MACROD2: variants seen among roughly 807,000 people sequenced by gnomAD.
MACROD2 encodes ADP-ribose glycohydrolase MACROD2.
A neutral mutation model predicts 70.4 loss-of-function variants in MACROD2; 36 were observed. The ratio of observed to expected loss-of-function variants is 0.51; its 90% CI spans 0.39 to 0.68. MACROD2 has a LOEUF of 0.68. Among genes scored for constraint, MACROD2 ranks in the 30% least tolerant of loss-of-function variants. The pLI, the probability that MACROD2 is intolerant of heterozygous loss-of-function variation, is 0.00. For synonymous variants in MACROD2, 172 were observed against 178.8 expected (o/e 0.96, Z 0.30); for missense variants, 496 against 538.4 (o/e 0.92, Z 0.78).
At chr20:14,385,747 A>C (rs890069012) in intron 3 of MACROD2, among the ~76,000 whole-genome samples, 2 of 152,198 alleles carry the variant, frequency 1.3e-5, no homozygotes, top group African/African-American at 2.4e-5. Flanking sequence ...TAGCTTATTG[A>C]AATGCTAAAT....
chr20:14,570,576 G>T (rs955837428), intron 4 of MACROD2, among the ~76,000 whole-genome samples: 2 of 151,860 alleles, frequency 1.3e-5, no homozygotes, highest in Admixed American at 1.3e-4. Flanking sequence ...CATGGTAAAA[G>T]ATTAAGAAAG....
intron 6 of MACROD2, among the ~76,000 whole-genome samples, chr20:15,392,220 A>T (rs1230407220): frequency 3.3e-5 from 5 of 152,196 alleles, no homozygotes; most frequent in African/African-American, 1.2e-4. Flanking sequence ...GTCTTTTCAT[A>T]ATATGAAAAA....
rs148801039 is a variant in MACROD2, at chr20:14,586,513, C to T, written c.301+93005C>T. Reference sequence around the variant, plus strand: ...CAGTACTAGTTTCAATATCAAAAGACGAAGAGAAATGGTTATTTAGAACTC... The same window carrying T: ...CAGTACTAGTTTCAATATCAAAAGATGAAGAGAAATGGTTATTTAGAACTC... On this transcript the variant is annotated intron_variant, in intron 4 of 17. Coordinates refer to ENST00000684519, the MANE Select transcript of MACROD2 (RefSeq NM_001351661.2). Among the ~76,000 whole-genome samples the T allele has an allele frequency of 1.1e-4, 16 of 152,040 alleles. 1 individual carries two copies. Among genetic ancestry groups the T allele is most frequent in the South Asian group, 6.2e-4 (3 of 4,810 alleles).
chr20:15,392,477 T>TA (rs1209126418), intron 6 of MACROD2, among the ~76,000 whole-genome samples: 1 of 152,196 alleles, frequency 6.6e-6, no homozygotes, highest in Non-Finnish European at 1.5e-5. Context: ...TCAAGGTTGT[T>TA]AGACTTTTTT....
chr20:15,854,394 T>C lies in MACROD2; in HGVS notation c.646-8351T>C, dbSNP rs189862046. ...CCCTGGTCAACACCTAGCAGGAAAA[T>C]GGTGACCTCAGTCCTGCAACTGCAA... On this transcript the variant is annotated intron_variant, in intron 8 of 17. Transcript: ENST00000684519. Among the ~76,000 whole-genome samples the C allele has an allele frequency of 3.9e-5, 6 of 152,132 alleles. No homozygotes were observed. The East Asian group carries it at 1.2e-3, about 30-fold the overall frequency.
intron 5 of MACROD2, among the ~76,000 whole-genome samples, chr20:14,845,327 T>C (rs927512688): frequency 1.3e-5 from 2 of 152,078 alleles, no homozygotes; most frequent in African/African-American, 4.8e-5. Context: ...GAGGATTATA[T>C]GGCTGAACAA....
intron 2 of MACROD2, among the ~76,000 whole-genome samples, chr20:14,083,546 A>G (rs1229009974): frequency 6.6e-6 from 1 of 152,206 alleles, no homozygotes; most frequent in African/African-American, 2.4e-5. Context: ...ATCCAGACTC[A>G]CCCAGCTGTT....
At chr20:15,518,842 T>TA (rs1022959826) in intron 8 of MACROD2, among the ~76,000 whole-genome samples, 6 of 151,834 alleles carry the variant, frequency 4.0e-5, no homozygotes, top group African/African-American at 9.7e-5. Context: ...CTACAAACAA[T>TA]AAAAAAAAGT....
chr20:14,742,671 A>C (rs962149976), intron 5 of MACROD2, among the ~76,000 whole-genome samples: 2 of 151,986 alleles, frequency 1.3e-5, no homozygotes, highest in Non-Finnish European at 2.9e-5. Flanking sequence ...AGCCCTGGAC[A>C]CTAATTCTAG....
intron 8 of MACROD2, among the ~76,000 whole-genome samples, chr20:15,778,144 A>T (rs116062347): frequency 6.6e-6 from 1 of 152,188 alleles, no homozygotes; most frequent in Admixed American, 6.5e-5. Context: ...CTCAGGGAAG[A>T]TAAGTAACTT....
At chr20:15,709,736 T>C (rs1292347837) in intron 8 of MACROD2, among the ~76,000 whole-genome samples, 2 of 152,204 alleles carry the variant, frequency 1.3e-5, no homozygotes, top group African/African-American at 4.8e-5. Flanking sequence ...TACAATGTAT[T>C]AAAGATCAAA....
chr20:15,782,717 C>CAA (rs11472322), intron 8 of MACROD2, among the ~76,000 whole-genome samples: 5,035 of 83,234 alleles, frequency 0.06, 437 homozygotes, highest in East Asian at 0.36. Context: ...AGAGAAATGG[C>CAA]AAAAAAAAAA....
In MACROD2 at chr20:15,328,510, G is replaced by A. The variant is rs140824157; in HGVS notation, c.540+98449G>A. Among the ~76,000 whole-genome samples, 783 of 152,232 alleles carry A rather than the reference G, an allele frequency of 5.1e-3. 8 individuals carry two copies. Among genetic ancestry groups the A allele is most frequent in the Non-Finnish European group, 4.5e-3 (306 of 68,006 alleles). ...TTGACATCATTGCTACTTGTCTGGA[G>A]TTCTCATTAAGACACAGACCTAGAA... On this transcript the variant is annotated intron_variant, in intron 6 of 17. Coordinates refer to ENST00000684519, the MANE Select transcript of MACROD2 (RefSeq NM_001351661.2).
At chr20:15,338,639 G>GTAT (rs916679271) in intron 6 of MACROD2, among the ~76,000 whole-genome samples, 3 of 151,526 alleles carry the variant, frequency 2.0e-5, no homozygotes, top group Non-Finnish European at 2.9e-5. Flanking sequence ...ACTCCATAAA[G>GTAT]TATTATTATT....
intron 4 of MACROD2, among the ~76,000 whole-genome samples, chr20:14,631,120 T>G (rs1464026653): frequency 2.6e-5 from 4 of 152,180 alleles, no homozygotes; most frequent in African/African-American, 9.7e-5. Context: ...TGGACTGAGT[T>G]CCAGCACTAG....
At chr20:15,193,800 G>A (rs934331559) in intron 5 of MACROD2, among the ~76,000 whole-genome samples, 1 of 151,968 alleles carries the variant, frequency 6.6e-6, no homozygotes, top group African/African-American at 2.4e-5. Context: ...TATGTACAAA[G>A]GAGCGGGTGA....
chr20:15,969,732 T>C (rs999408700), intron 13 of MACROD2, among the ~76,000 whole-genome samples: 3 of 152,030 alleles, frequency 2.0e-5, no homozygotes, highest in South Asian at 4.2e-4. Flanking sequence ...ACAAGTACAG[T>C]TGGAGTCCCA....
chr20:14,044,629 C>G (rs1193320510), intron 2 of MACROD2, among the ~76,000 whole-genome samples: 3 of 152,144 alleles, frequency 2.0e-5, no homozygotes, highest in Non-Finnish European at 4.4e-5. Context: ...ACTAGATTAG[C>G]TAGATACAGA....
chr20:15,966,489 C>T (rs1209439270), intron 12 of MACROD2, among the ~76,000 whole-genome samples: 1 of 152,132 alleles, frequency 6.6e-6, no homozygotes, highest in Non-Finnish European at 1.5e-5. Flanking sequence ...CACCTATAAT[C>T]CCAGCACTTT....
Sources: allele counts gnomAD v4.1 joint callset (sites outside exome capture counted in the v4.1 genomes callset), GRCh38; gene constraint gnomAD v4.1.1; transcripts MANE v1.5; gene names NCBI Gene and HGNC (gene_info 2026-07-23, HGNC 2026-07-21).